TELO2: variants seen among roughly 807,000 people sequenced by gnomAD.
TELO2 encodes the protein telomere length regulation protein TEL2 homolog.
A neutral mutation model predicts 91.0 loss-of-function variants in TELO2; 71 were observed. The ratio of observed to expected loss-of-function variants is 0.78; its 90% CI spans 0.64 to 0.95. The LOEUF is 0.95. TELO2 is among the 40% of genes least tolerant of loss of function. TELO2 has a pLI of 0.00. For missense variants in TELO2, 1,183 were observed against 1,141.3 expected (o/e 1.04, Z -0.53); for synonymous variants, 584 against 518.9 (o/e 1.13, Z -1.71).
rs1567307739 is a variant in TELO2 at position 1,507,797 on chromosome 16, A to ATG, written c.2407+85_2407+86dup. The ATG allele has an allele frequency of 1.9e-5, 19 of 983,012 alleles. 1 individual carries two copies. In the Admixed American group the frequency reaches 3.8e-4, roughly 20 times the overall value. 60.9% of individuals were successfully genotyped at this position (983,012 alleles called of 1,614,324 possible). ...GTATGTGTGTGTGTGTGTGTGAGAG[A>ATG]TGTGTCGGCCCGGGGTGTGTGTGTG... On this transcript the variant is annotated intron_variant, in intron 20 of 20. Coordinates refer to ENST00000262319, the MANE Select transcript of TELO2 (RefSeq NM_016111.4).
chr16:1,505,373 G>T lies in TELO2; in HGVS notation c.1843-37G>T. On this transcript the variant is annotated intron_variant, in intron 15 of 20. Coordinates refer to ENST00000262319, the MANE Select transcript of TELO2 (RefSeq NM_016111.4). This position sits in a 1 kb window ranked among gnomAD's most constrained non-coding sequence, Gnocchi z 4.3. ...GACTCTTGGGAAATGTTCTTCCCTG[G>T]AGCAGTGGCGACGGCCCTGGGCCTG... 1 of 1,587,754 alleles carries T rather than the reference G, an allele frequency of 6.3e-7. No homozygotes were observed. The highest frequency in any genetic ancestry group is 1.1e-5 in the South Asian group (1 of 90,070).
In TELO2 at chr16:1,500,403, CCT is replaced by C; in HGVS notation, c.1060_1061del (p.Leu354AlafsTer28). 1 of 1,602,420 alleles carries C rather than the reference CCT, an allele frequency of 6.2e-7. No homozygotes were observed. The highest frequency in any genetic ancestry group is 2.3e-5 in the East Asian group (1 of 44,348). On this transcript the variant is annotated frameshift_variant, in exon 8 of 21. Coordinates refer to ENST00000262319, the MANE Select transcript of TELO2 (RefSeq NM_016111.4). LOFTEE classifies it high-confidence loss of function. ...GCAGCAGTGCCATCCGCCACACTCC[CCT>C]GCCGCAGCAGCGCCACGTCAGCAAG... The part of the protein sequence containing the change: ...GSSSAIRHTP[L>X]PQQRHVSKAV...
At chr16:1,507,847 GGGGTGTGT>G (rs2039962569) in intron 20 of TELO2, 131 bp downstream of exon 20, 4 of 341,856 alleles carry the variant, frequency 1.2e-5, no homozygotes, top group Admixed American at 4.1e-5. Flanking sequence ...GTGTTGGCCC[GGGGTGTGT>G]GTGTGTGTGT....
At position 1,494,794 on chromosome 16, in the gene TELO2, C is replaced by T. The variant is rs1357095567; in HGVS notation, c.335+178C>T. On this transcript the variant is annotated intron_variant, in intron 2 of 20. Coordinates refer to ENST00000262319, the MANE Select transcript of TELO2 (RefSeq NM_016111.4). This position sits in a 1 kb window ranked among gnomAD's most constrained non-coding sequence, Gnocchi z 5.6. ...TGTCTGTCTCCTTTGCGACGGGAGGCACCTGCTGTGTCTCACAAAGTCCCC... is the reference window on the plus strand; with the variant it reads ...TGTCTGTCTCCTTTGCGACGGGAGGTACCTGCTGTGTCTCACAAAGTCCCC... 2.6e-5 allele frequency among the ~76,000 whole-genome samples: 4 copies of T among 152,162 alleles called. No individual in the cohort carries two copies. Among genetic ancestry groups the T allele is most frequent in the South Asian group, 2.1e-4 (1 of 4,822 alleles).
At chr16:1,501,821 C>T (rs757513541) in intron 11 of TELO2, 48 bp downstream of exon 11, 104 of 1,571,326 alleles carry the variant, frequency 6.6e-5, no homozygotes, top group Non-Finnish European at 8.6e-5. Flanking sequence ...GGCCGGGAGG[C>T]GAACCCCTCA....
In TELO2 at chr16:1,509,714, C is replaced by T. The variant is rs1019668103; in HGVS notation, c.2408-116C>T. The T allele has an allele frequency of 3.2e-6, 3 of 935,390 alleles. No individual in the cohort carries two copies. The African/African-American group carries it at 5.0e-5, about 15-fold the overall frequency. 57.9% of individuals were successfully genotyped at this position (935,390 alleles called of 1,614,324 possible). ...TCCGGGGTCACTGCAGACCCGAGCCCCCTTTCTTCCATGGAGTCAGGCCTG... is the reference window on the plus strand; with the variant it reads ...TCCGGGGTCACTGCAGACCCGAGCCTCCTTTCTTCCATGGAGTCAGGCCTG... On this transcript the variant is annotated intron_variant, in intron 20 of 20. Coordinates refer to ENST00000262319, the MANE Select transcript of TELO2 (RefSeq NM_016111.4).
In TELO2 at chr16:1,497,639, G is replaced by T. The variant is rs897911179; in HGVS notation, c.830+131G>T. 2 of 1,293,944 alleles carry T rather than the reference G, an allele frequency of 1.5e-6. No homozygotes were observed. The highest frequency in any genetic ancestry group is 5.1e-5 in the East Asian group (2 of 39,044). The allele number at this position is 1,293,944 out of a possible 1,614,324, so 80.2% of individuals were successfully genotyped here. A position where few individuals can be genotyped will look rare whatever the true frequency, so the allele number is the denominator to read the frequency against. On this transcript the variant is annotated intron_variant, in intron 5 of 20. Coordinates refer to ENST00000262319, the MANE Select transcript of TELO2 (RefSeq NM_016111.4). The surrounding 1 kb of genome is among the most constrained non-coding windows in gnomAD (Gnocchi z 4.0). ...CACCCCCATGTAGGTGCCACAGGGT[G>T]TGGGTGGTGCCCTCTCAGTTCCCGC...
rs1438632355 is a variant in TELO2 at position 1,494,785 on chromosome 16, G to A, written c.335+169G>A. Among the ~76,000 whole-genome samples the A allele has an allele frequency of 2.0e-5, 3 of 152,168 alleles. No individual in the cohort carries two copies. The highest frequency in any genetic ancestry group is 2.9e-5 in the Non-Finnish European group (2 of 68,018). On this transcript the variant is annotated intron_variant, in intron 2 of 20. Coordinates refer to ENST00000262319, the MANE Select transcript of TELO2 (RefSeq NM_016111.4). This position sits in a 1 kb window ranked among gnomAD's most constrained non-coding sequence, Gnocchi z 5.6. ...AGCGGTCTGTGTCTGTCTCCTTTGC[G>A]ACGGGAGGCACCTGCTGTGTCTCAC...
intron 5 of TELO2, 123 bp from the exon 6 acceptor site, chr16:1,499,108 C>G (rs2039588354): frequency 1.1e-6 from 1 of 910,236 alleles, no homozygotes; most frequent in African/African-American, 1.6e-5. Context: ...GAACCAGAGG[C>G]TCGTGGCTAG....
rs1305696835 is a variant in TELO2, at chr16:1,505,567, A to G, written c.2000A>G (p.Glu667Gly). Residue 667 changes from glutamate (E) to glycine (G), a missense_variant, in exon 16 of 21, where the codon GAG becomes GGG. By Grantham distance (98) the Glu-to-Gly change is moderately conservative. Coordinates refer to ENST00000262319, the MANE Select transcript of TELO2 (RefSeq NM_016111.4). This position sits in a 1 kb window ranked among gnomAD's most constrained non-coding sequence, Gnocchi z 4.3. The part of the protein sequence containing the change: ...VASDWRVVVE[E>G]RIRSKTQRLS... The stretch of plus-strand genomic sequence containing the variant: ...TCTGACTGGCGGGTGGTGGTGGAGG[A>G]GCGGATCAGAAGCAAGACCCAGCGG... 2 of 1,608,022 alleles carry G rather than the reference A, an allele frequency of 1.2e-6. No homozygotes were observed. The highest frequency in any genetic ancestry group is 1.3e-5 in the African/African-American group (1 of 74,668).
Position 1,499,342 on chromosome 16 carries a change from GC to G in TELO2, c.933+11del, listed in dbSNP as rs11344586. 0.3 allele frequency: 487,117 copies of G among 1,613,186 alleles called. 77,875 individuals are homozygous for G. Among genetic ancestry groups the G allele is most frequent in the South Asian group, 0.53 (47,849 of 91,064 alleles). ...TACAGTCCCGGCTCACGGTGAGGACGCCACGGAGGGTGCAGGCTGCTGGCTG... is the reference window on the plus strand; with the variant it reads ...TACAGTCCCGGCTCACGGTGAGGACGCACGGAGGGTGCAGGCTGCTGGCTG... On this transcript the variant is annotated intron_variant, in intron 6 of 20. Transcript: ENST00000262319.
At chr16:1,506,400 G>C (rs1172619768) in intron 17 of TELO2, 71 bp downstream of exon 17, 7 of 1,611,412 alleles carry the variant, frequency 4.3e-6, no homozygotes, top group African/African-American at 1.3e-5. Context: ...TGGCCAAGAA[G>C]TTCGGGCTGG....
At position 1,510,084 on chromosome 16, in the gene TELO2, T is replaced by C; in HGVS notation, c.*148T>C. 1 of 660,768 alleles carries C rather than the reference T, an allele frequency of 1.5e-6. No individual in the cohort carries two copies. Among genetic ancestry groups the C allele is most frequent in the Non-Finnish European group, 2.6e-6 (1 of 388,880 alleles). The allele number at this position is 660,768 out of a possible 1,614,324, so 40.9% of individuals were successfully genotyped here. ...AGTGCAGATGCAGGAAGGCCCGGCC[T>C]GCCGCTATTTATAGTGCAGCCAGTC... On this transcript the variant is annotated 3_prime_UTR_variant, in exon 21 of 21. Transcript: ENST00000262319.
At position 1,495,402 on chromosome 16, in the gene TELO2, G is replaced by A. The variant is rs187225056; in HGVS notation, c.392G>A (p.Gly131Asp). 191 of 1,584,298 alleles carry A rather than the reference G, an allele frequency of 1.2e-4. No individual in the cohort carries two copies. The highest frequency in any genetic ancestry group is 1.5e-4 in the Non-Finnish European group (175 of 1,166,342). The change falls in exon 3 of 21, where the codon GGC (glycine) becomes GAC (aspartate). Residue 131 changes from glycine (G) to aspartate (D), a missense_variant. Physicochemically the swap from Gly to Asp is moderately conservative, Grantham distance 94. Coordinates refer to ENST00000262319, the MANE Select transcript of TELO2 (RefSeq NM_016111.4). ...ARLLARFLREGRLAVLMEAQC... is the reference protein window; with the variant it reads ...ARLLARFLREDRLAVLMEAQC... ...CTGCTGGCCAGATTCCTGCGCGAGGGCCGGCTGGCAGTGCTGATGGAGGCG... is the reference window on the plus strand; with the variant it reads ...CTGCTGGCCAGATTCCTGCGCGAGGACCGGCTGGCAGTGCTGATGGAGGCG...
At chr16:1,496,529 G>C (rs990459661) in intron 3 of TELO2, among the ~76,000 whole-genome samples, 2 of 152,238 alleles carry the variant, frequency 1.3e-5, no homozygotes, top group African/African-American at 2.4e-5. Context: ...GGCTGGGGCC[G>C]TCCTGGTCCC....
intron 20 of TELO2, 110 bp downstream of exon 20, chr16:1,507,826 G>GA: frequency 1.7e-6 from 1 of 601,080 alleles, no homozygotes; most frequent in Non-Finnish European, 2.4e-6. Flanking sequence ...GTGTGTGTGT[G>GA]TGTGTGATGT....
chr16:1,500,080 T>A lies in TELO2; in HGVS notation c.934-16T>A, dbSNP rs758797546. ...GCGGCCTCAGCCCAGTGGACAGGCA[T>A]GTGCTTTTATTGCAGACGCCCATGC... On this transcript the variant is annotated splice_polypyrimidine_tract_variant and intron_variant, in intron 6 of 20. Transcript: ENST00000262319. 6 of 1,607,266 alleles carry A rather than the reference T, an allele frequency of 3.7e-6. No homozygotes were observed. The East Asian group carries it at 1.3e-4, about 36-fold the overall frequency.
chr16:1,510,042 C>A lies in TELO2; in HGVS notation c.*106C>A. The stretch of plus-strand genomic sequence containing the variant: ...CTTTGTAGCGAGGCCAGGTCTTCGG[C>A]CGCATCCGGTACGGAGAGTGCAGAT... On this transcript the variant is annotated 3_prime_UTR_variant, in exon 21 of 21. Coordinates refer to ENST00000262319, the MANE Select transcript of TELO2 (RefSeq NM_016111.4). 1.0e-6 allele frequency: 1 copy of A among 955,404 alleles called. No individual in the cohort carries two copies. The highest frequency in any genetic ancestry group is 1.6e-5 in the African/African-American group (1 of 61,014). The allele number at this position is 955,404 out of a possible 1,614,324, so 59.2% of individuals were successfully genotyped here.
At chr16:1,500,288 G>A (rs907372097) in intron 7 of TELO2, 59 bp from the exon 8 acceptor site, 22 of 1,533,950 alleles carry the variant, frequency 1.4e-5, no homozygotes, top group Admixed American at 7.8e-5. Context: ...GTGGCTGTGG[G>A]CCTGGCGGGG....
Sources: allele counts gnomAD v4.1 joint callset (sites outside exome capture counted in the v4.1 genomes callset), GRCh38; gene constraint gnomAD v4.1.1; non-coding constraint Gnocchi (gnomAD v3.1); transcripts MANE v1.5; gene names NCBI Gene and HGNC (gene_info 2026-07-23, HGNC 2026-07-21).